Variants in CDKL2 observed in about 807,000 individuals in gnomAD.
The protein encoded by CDKL2 is cyclin-dependent kinase-like 2.
A neutral mutation model predicts 63.9 loss-of-function variants in CDKL2; 64 were observed. The observed-to-expected ratio is 1.00, with a 90% CI of 0.82 to 1.23. The LOEUF (loss-of-function observed/expected upper bound fraction) is 1.23. CDKL2 is among the 50% of genes most tolerant of loss of function. The probability of loss-of-function intolerance (pLI) is 0.00; values close to 1 mark genes in which losing one functional copy is unlikely to be tolerated. For missense variants in CDKL2, 656 were observed against 668.0 expected, an observed-to-expected ratio of 0.98 and a Z score of 0.20; for synonymous variants, 211 against 229.2, an observed-to-expected ratio of 0.92 and a Z score of 0.72.
At chr4:75,604,081 T>C (rs1293971335) in intron 5 of CDKL2, 125 bp from the exon 6 acceptor site, 2 of 865,594 alleles carry the variant, frequency 2.3e-6, no homozygotes, top group African/African-American at 1.7e-5. Flanking sequence ...TCTCTCAACA[T>C]GCAAAATTGA....
Position 75,614,277 on chromosome 4 carries a change from A to G in CDKL2, c.341T>C (p.Ile114Thr), listed in dbSNP as rs2148901101. The change falls in exon 3 of 14, where the codon ATT becomes ACT. Residue 114 changes from isoleucine (I) to threonine (T), a missense_variant. Coordinates refer to ENST00000307465, the MANE Select transcript of CDKL2 (RefSeq NM_001330724.2). ...TACATTGTGACTGTGACAAAATCCAATTCCATTAATAATCTGAAACAAATA... is the reference window on the plus strand; with the variant it reads ...TACATTGTGACTGTGACAAAATCCAGTTCCATTAATAATCTGAAACAAATA... ...QKYLFQIING[I>T]GFCHSHNIIH... 3.1e-6 allele frequency: 5 copies of G among 1,605,388 alleles called. No individual in the cohort carries two copies. In the East Asian group the frequency reaches 1.1e-4, roughly 36 times the overall value.
At chr4:75,611,655 T>A (rs1159807649) in intron 3 of CDKL2, among the ~76,000 whole-genome samples, 1 of 146,172 alleles carries the variant, frequency 6.8e-6, no homozygotes, top group Non-Finnish European at 1.5e-5. Context: ...GGAACCACCT[T>A]TTTTTTTTTT....
intron 2 of CDKL2, among the ~76,000 whole-genome samples, chr4:75,621,477 T>A (rs112243359): frequency 3.3e-5 from 5 of 152,222 alleles, no homozygotes; most frequent in Non-Finnish European, 7.4e-5. Flanking sequence ...ACATACTGAA[T>A]GTAATTAACT....
chr4:75,606,334 C>T (rs1729426064), intron 4 of CDKL2, among the ~76,000 whole-genome samples: 1 of 152,048 alleles, frequency 6.6e-6, no homozygotes, highest in African/African-American at 2.4e-5. Context: ...CCTGCCCCAG[C>T]CTCCCAAGTA....
chr4:75,614,359 T>C lies in CDKL2; in HGVS notation c.259A>G (p.Ile87Val). ...YLVFEFVDHTILDDLELFPNG... is the reference protein window; with the variant it reads ...YLVFEFVDHTVLDDLELFPNG... ...GGAAAGAGCTCCAAGTCATCAAGAA[T>C]TGTGTGGTCAACAAATTCAAAGACT... Residue 87 changes from isoleucine (I) to valine (V), a missense_variant, in exon 3 of 14, where the codon ATT becomes GTT. Physicochemically the swap from Ile to Val is conservative, Grantham distance 29. Transcript: ENST00000307465. 6.2e-7 allele frequency: 1 copy of C among 1,611,728 alleles called. No individual in the cohort carries two copies. Among genetic ancestry groups the C allele is most frequent in the South Asian group, 1.1e-5 (1 of 90,220 alleles).
At chr4:75,601,355 T>G (rs1252639977) in intron 6 of CDKL2, among the ~76,000 whole-genome samples, 1 of 152,148 alleles carries the variant, frequency 6.6e-6, no homozygotes, top group Non-Finnish European at 1.5e-5. Flanking sequence ...TATTGCAAAG[T>G]CTTGTTCTGA....
intron 12 of CDKL2, among the ~76,000 whole-genome samples, chr4:75,585,507 C>T (rs1309016076): frequency 2.0e-5 from 3 of 152,052 alleles, no homozygotes; most frequent in African/African-American, 2.4e-5. Flanking sequence ...GGGGGAAGAT[C>T]GCTTGATCCT....
At chr4:75,600,239 C>G in intron 7 of CDKL2, 42 bp downstream of exon 7, 1 of 1,296,792 alleles carries the variant, frequency 7.7e-7, no homozygotes, top group Non-Finnish European at 1.1e-6. Context: ...AGACTTTAAC[C>G]CTAGGTTGGT....
At chr4:75,583,546 A>G (rs995118484) in intron 12 of CDKL2, among the ~76,000 whole-genome samples, 1 of 152,208 alleles carries the variant, frequency 6.6e-6, no homozygotes, top group African/African-American at 2.4e-5. Context: ...AGCCACAGCA[A>G]TCTTACAGAC....
chr4:75,611,167 A>C (rs766544089), intron 3 of CDKL2, among the ~76,000 whole-genome samples: 2 of 152,146 alleles, frequency 1.3e-5, no homozygotes, highest in African/African-American at 4.8e-5. Context: ...AGAGTTTAAG[A>C]GTAAATGGAG....
intron 12 of CDKL2, among the ~76,000 whole-genome samples, chr4:75,589,660 A>G (rs1401452622): frequency 6.6e-6 from 1 of 152,158 alleles, no homozygotes; most frequent in Non-Finnish European, 1.5e-5. Flanking sequence ...ATTTTCAGGT[A>G]TTTACCAACT....
chr4:75,595,982 AAGGAAGG>A (rs1560577615), intron 10 of CDKL2: 25 of 164,236 alleles, frequency 1.5e-4, no homozygotes, highest in African/African-American at 1.3e-3. Flanking sequence ...GGAAAGAAGG[AAGGAAGG>A]AAGGAAGGAA....
chr4:75,591,605 G>T (rs1237545543), intron 12 of CDKL2, among the ~76,000 whole-genome samples: 1 of 152,060 alleles, frequency 6.6e-6, no homozygotes, highest in African/African-American at 2.4e-5. Context: ...TCTAAAAAAA[G>T]AAAGTATTAT....
chr4:75,609,641 C>CATATATGATATATTATATATATA (rs1269690217), intron 3 of CDKL2, among the ~76,000 whole-genome samples: 2 of 146,856 alleles, frequency 1.4e-5, no homozygotes, highest in African/African-American at 2.5e-5. Flanking sequence ...AGATATATAT[C>CATATATGATATATTATATATATA]ATATATGATA....
At chr4:75,619,709 TA>T (rs1208821610) in intron 2 of CDKL2, among the ~76,000 whole-genome samples, 21 of 146,296 alleles carry the variant, frequency 1.4e-4, no homozygotes, top group Admixed American at 2.8e-4. Context: ...CAGCGGGCAA[TA>T]AAAAAGAAAT....
chr4:75,585,680 G>A (rs1046887324), intron 12 of CDKL2, among the ~76,000 whole-genome samples: 7 of 152,106 alleles, frequency 4.6e-5, no homozygotes, highest in Admixed American at 4.6e-4. Flanking sequence ...CAGCACTTTG[G>A]GAGGCCGATG....
intron 2 of CDKL2, among the ~76,000 whole-genome samples, chr4:75,617,330 C>T (rs1729974177): frequency 6.6e-6 from 1 of 152,070 alleles, no homozygotes; most frequent in African/African-American, 2.4e-5. Flanking sequence ...ATAACTAATA[C>T]TTACACAATG....
intron 12 of CDKL2, among the ~76,000 whole-genome samples, chr4:75,585,520 G>A (rs1422826244): frequency 3.3e-5 from 5 of 152,078 alleles, no homozygotes; most frequent in African/African-American, 1.2e-4. Context: ...TTGATCCTAG[G>A]AATTCAAGGT....
chr4:75,586,937 GA>G (rs2148861975), intron 12 of CDKL2, among the ~76,000 whole-genome samples: 1 of 152,092 alleles, frequency 6.6e-6, no homozygotes, highest in Non-Finnish European at 1.5e-5. Flanking sequence ...AAAATTGAGA[GA>G]ATAAACTCAA....
Sources: allele counts gnomAD v4.1 joint callset (sites outside exome capture counted in the v4.1 genomes callset), GRCh38; gene constraint gnomAD v4.1.1; transcripts MANE v1.5; gene names NCBI Gene and HGNC (gene_info 2026-07-23, HGNC 2026-07-21).